The following CFAP47 variants were observed in gnomAD, a reference collection of about 807,000 sequenced individuals.
The protein encoded by CFAP47 is cilia- and flagella-associated protein 47.
In CFAP47, 29 loss-of-function variants were observed where a neutral mutation model predicts 148.1. The observed-to-expected ratio is 0.20, with a 90% CI of 0.15 to 0.27. CFAP47 has a LOEUF of 0.27. Ranked by LOEUF, CFAP47 falls within the 10% of genes least tolerant of loss-of-function variation. The pLI is 1.00. For missense variants in CFAP47, 1,872 were observed against 1,697.5 expected (o/e 1.10, Z -1.81); for synonymous variants, 664 against 577.3 (o/e 1.15, Z -2.15).
At chrX:36,193,973 G>A (rs1602040305) in intron 42 of CFAP47, among the ~76,000 whole-genome samples, 1 of 111,002 alleles carries the variant, frequency 9.0e-6, no homozygotes, top group African/African-American at 3.3e-5. Context: ...TTAGCTCTAG[G>A]GAATATCACC....
chrX:36,339,475 AAT>A (rs1941635575), intron 57 of CFAP47, among the ~76,000 whole-genome samples: 1 of 112,179 alleles, frequency 8.9e-6, no homozygotes, highest in South Asian at 3.7e-4. Context: ...GTTTCTTAAC[AAT>A]GTTTTAAATC....
At chrX:36,264,232 A>G (rs959568575) in intron 49 of CFAP47, among the ~76,000 whole-genome samples, 1 of 111,429 alleles carries the variant, frequency 9.0e-6, no homozygotes, top group African/African-American at 3.3e-5. Flanking sequence ...TGGGGTTAGG[A>G]CTTCAGTGAT....
intron 2 of CFAP47, among the ~76,000 whole-genome samples, chrX:35,930,908 C>T (rs759134440): frequency 8.9e-4 from 99 of 111,187 alleles, no homozygotes; most frequent in African/African-American, 3.2e-3. Flanking sequence ...CGTTGACTTT[C>T]CTTTCATTTT....
rs1184323351 is a variant in CFAP47, at chrX:35,924,246, T to C, written c.250-1771T>C. ...ATGTGTATATATGGACATGTATGTG[T>C]GCATATGGACATGTATGTGTACATG... On this transcript the variant is annotated intron_variant, in intron 1 of 63. Transcript: ENST00000378653. 8.8e-5 allele frequency among the ~76,000 whole-genome samples: 8 copies of C among 90,727 alleles called. 1 individual carries two copies. The highest frequency in any genetic ancestry group is 8.2e-5 in the Non-Finnish European group (4 of 48,546). The allele number at this position is 90,727 out of a possible 115,157, so 78.8% of individuals were successfully genotyped here.
At chrX:36,238,979 C>T (rs1940507552) in intron 48 of CFAP47, among the ~76,000 whole-genome samples, 7 of 112,121 alleles carry the variant, frequency 6.2e-5, no homozygotes, top group Admixed American at 5.7e-4. Context: ...TTCAATTTTT[C>T]ATTGGTGCTA....
chrX:36,317,468 G>C (rs1467197247), intron 56 of CFAP47, among the ~76,000 whole-genome samples: 1 of 108,971 alleles, frequency 9.2e-6, no homozygotes, highest in African/African-American at 3.3e-5. Context: ...GGAGTGCAGT[G>C]GTGTGATCTC....
intron 42 of CFAP47, among the ~76,000 whole-genome samples, chrX:36,196,146 A>G (rs1252888815): frequency 9.0e-6 from 1 of 111,401 alleles, no homozygotes; most frequent in Non-Finnish European, 1.9e-5. Context: ...CCTAGCTCCT[A>G]GCTCACTGCC....
intron 33 of CFAP47, among the ~76,000 whole-genome samples, chrX:36,130,155 C>G (rs1434775205): frequency 9.0e-6 from 1 of 110,858 alleles, no homozygotes; most frequent in Non-Finnish European, 1.9e-5. Flanking sequence ...TGGGAGAAAA[C>G]ATTTGCAAAA....
At chrX:35,927,027 T>C (rs929065800) in intron 2 of CFAP47, among the ~76,000 whole-genome samples, 6 of 108,573 alleles carry the variant, frequency 5.5e-5, no homozygotes, top group Admixed American at 1.0e-4. Flanking sequence ...TGGTGGCGCA[T>C]GACTGTAGTC....
chrX:36,293,616 C>T (rs1346640551), intron 51 of CFAP47, among the ~76,000 whole-genome samples: 1 of 112,229 alleles, frequency 8.9e-6, no homozygotes, highest in Non-Finnish European at 1.9e-5. Flanking sequence ...TTGGAGAAAA[C>T]TAGTGACACA....
chrX:36,225,035 A>T (rs1237523973), intron 45 of CFAP47, among the ~76,000 whole-genome samples: 1 of 111,532 alleles, frequency 9.0e-6, no homozygotes, highest in East Asian at 2.8e-4. Flanking sequence ...CTTTATGTTT[A>T]TTTTCTTCAG....
rs148872967 is a variant in CFAP47 at position 35,919,979 on chromosome X, C to G, written c.180C>G (p.Leu60=). The change falls in exon 1 of 64, where the codon CTC becomes CTG. Residue 60 remains leucine, a synonymous_variant. Coordinates refer to ENST00000378653, the MANE Select transcript of CFAP47 (RefSeq NM_001304548.2). The part of the protein sequence containing the change: ...LDTMAGRVYR[L]PITVHNICRW... ...CGATGGCCGGGAGGGTGTACCGCCT[C>G]CCGATTACTGTGCATAATATTTGCC... The G allele has an allele frequency of 8.3e-7, 1 of 1,207,449 alleles. No homozygotes were observed. Among genetic ancestry groups the G allele is most frequent in the African/African-American group, 1.8e-5 (1 of 56,765 alleles).
chrX:36,172,490 T>G (rs1939597451), intron 39 of CFAP47, among the ~76,000 whole-genome samples: 1 of 109,474 alleles, frequency 9.1e-6, no homozygotes, highest in African/African-American at 3.4e-5. Context: ...CCTAATTTAT[T>G]GAGAGTTTTT....
At chrX:36,346,474 A>G (rs932753652) in intron 57 of CFAP47, among the ~76,000 whole-genome samples, 1 of 111,598 alleles carries the variant, frequency 9.0e-6, no homozygotes, top group Non-Finnish European at 1.9e-5. Context: ...CACAACTAGG[A>G]GCAGATGCCC....
At chrX:36,384,690 C>T in intron 63 of CFAP47, 107 bp from the exon 64 acceptor site, 1 of 529,375 alleles carries the variant, frequency 1.9e-6, no homozygotes. Flanking sequence ...GTACCTTTTC[C>T]ATACTCTACA....
chrX:36,230,629 T>C (rs1940338254), intron 46 of CFAP47, among the ~76,000 whole-genome samples: 1 of 110,006 alleles, frequency 9.1e-6, no homozygotes, highest in African/African-American at 3.4e-5. Context: ...ATCCCATTTG[T>C]CAATTTTGGC....
Position 36,099,792 on chromosome X carries a change from GA to G in CFAP47, c.5046del (p.Lys1682AsnfsTer6). 2.2e-6 allele frequency: 2 copies of G among 889,172 alleles called. No homozygotes were observed. The highest frequency in any genetic ancestry group is 3.3e-6 in the Non-Finnish European group (2 of 604,001). 73.3% of individuals were successfully genotyped at this position (889,172 alleles called of 1,213,427 possible). ...TMPVSSCTPK[K>X]KCSIVIEMSK... ...TGCCTGTGAGTTCCTGTACACCTAA[GA>G]AAAAATGTTCTATTGTTATAGAAAT... On this transcript the variant is annotated frameshift_variant, in exon 32 of 64. Transcript: ENST00000378653. LOFTEE classifies it high-confidence loss of function.
chrX:36,045,629 A>G (rs1044734122), intron 25 of CFAP47, among the ~76,000 whole-genome samples: 1 of 112,138 alleles, frequency 8.9e-6, no homozygotes, highest in Non-Finnish European at 1.9e-5. Context: ...CAACATCATC[A>G]AAACTTTGGG....
chrX:36,229,439 C>T (rs1940311756), intron 46 of CFAP47, among the ~76,000 whole-genome samples: 1 of 110,942 alleles, frequency 9.0e-6, no homozygotes, highest in Non-Finnish European at 1.9e-5. Context: ...AGTGTGTCCT[C>T]TAAGGCCATT....
Sources: allele counts gnomAD v4.1 joint callset (sites outside exome capture counted in the v4.1 genomes callset), GRCh38; gene constraint gnomAD v4.1.1; transcripts MANE v1.5; gene names NCBI Gene and HGNC (gene_info 2026-07-23, HGNC 2026-07-21).